The following OGFOD2 variants were observed in gnomAD, a reference collection of about 807,000 sequenced individuals.
OGFOD2 encodes 2-oxoglutarate and iron dependent oxygenase domain containing 2.
OGFOD2 carries 34 observed loss-of-function variants against 31.1 expected under a neutral mutation model. The observed-to-expected ratio is 1.09, with a 90% CI of 0.83 to 1.45. OGFOD2 has a LOEUF of 1.45. Among genes scored for constraint, OGFOD2 ranks in the 40% most tolerant of loss-of-function variants. The pLI is 0.00. For synonymous variants in OGFOD2, 240 were observed against 192.3 expected (o/e 1.25, Z -2.05); for missense variants, 537 against 433.9 (o/e 1.24, Z -2.11).
At chr12:122,975,824 G>A (rs1434014307) in exon 2 of OGFOD2, 2 of 702,976 alleles carry the variant, frequency 2.8e-6, no homozygotes, top group Non-Finnish European at 5.2e-6. Flanking sequence ...CTGCGCAGCC[G>A]AGGCTGTGTT....
chr12:122,978,913 A>C (rs1416004995), exon 6 of OGFOD2: 1 of 1,612,906 alleles, frequency 6.2e-7, no homozygotes, highest in African/African-American at 1.3e-5. Context: ...CAGGACCTGG[A>C]GCTGGGCTGC....
upstream of OGFOD2, chr12:122,974,868 T>C (rs1594092559): frequency 5.7e-6 from 1 of 174,316 alleles, no homozygotes; most frequent in Non-Finnish European, 1.2e-5. Context: ...CTCTTTAAAC[T>C]GTCCTCAGCT....
chr12:122,979,460 C>T (rs1566215581), exon 7 of OGFOD2: 1 of 1,319,664 alleles, frequency 7.6e-7, no homozygotes. Context: ...AACGGTGTGC[C>T]AGCTTCTGGG....
At chr12:122,975,787 G>A (rs2037403471) in intron 1 of OGFOD2, 24 bp from the exon 2 acceptor site, 2 of 702,504 alleles carry the variant, frequency 2.8e-6, no homozygotes, top group South Asian at 3.0e-5. Context: ...ATACAGTCAT[G>A]CTCAGTGTTC....
exon 6 of OGFOD2, chr12:122,978,823 T>G: frequency 6.2e-7 from 1 of 1,612,684 alleles, no homozygotes; most frequent in Non-Finnish European, 8.5e-7. Flanking sequence ...CTGCAGCCGC[T>G]GATGGCCCTG....
chr12:122,977,024 C>T, intron 4 of OGFOD2, 54 bp downstream of exon 4: 2 of 1,544,822 alleles, frequency 1.3e-6, no homozygotes, highest in African/African-American at 1.4e-5. Context: ...GCCTGGGAAA[C>T]CTGGGTGTGG....
chr12:122,979,403 C>A, exon 7 of OGFOD2: 2 of 1,529,132 alleles, frequency 1.3e-6, no homozygotes, highest in South Asian at 2.4e-5. Context: ...TTGCCTTGGT[C>A]TGGGGGCAGA....
chr12:122,979,893 C>G (rs925431733), exon 7 of OGFOD2: 4 of 271,952 alleles, frequency 1.5e-5, no homozygotes, highest in Non-Finnish European at 2.7e-5. Flanking sequence ...ACCAGGCTGC[C>G]CGGGTTCCCA....
intron 4 of OGFOD2, 23 bp from the exon 5 acceptor site, chr12:122,978,419 A>C: frequency 1.2e-6 from 2 of 1,611,510 alleles, no homozygotes; most frequent in East Asian, 2.2e-5. Context: ...ATTCAGGCCA[A>C]CAGACCATCC....
upstream of OGFOD2, chr12:122,974,926 C>G (rs907891802): frequency 1.3e-5 from 3 of 226,882 alleles, no homozygotes; most frequent in African/African-American, 6.8e-5. Flanking sequence ...GGTGGGTCGG[C>G]GTTTAAGTCA....
intron 2 of OGFOD2, 195 bp from the exon 3 acceptor site, chr12:122,976,459 T>G: frequency 6.3e-7 from 1 of 1,579,244 alleles, no homozygotes; most frequent in Non-Finnish European, 8.7e-7. Flanking sequence ...TGAAACAGGA[T>G]GGGTCCCCTT....
At chr12:122,979,574 C>G (rs561248446) in exon 7 of OGFOD2, 14 of 594,358 alleles carry the variant, frequency 2.4e-5, no homozygotes, top group Non-Finnish European at 3.5e-5. Flanking sequence ...GGGGAGGGAG[C>G]AGCTGGGCAA....
At chr12:122,978,918 G>T in exon 6 of OGFOD2, 1 of 1,613,142 alleles carries the variant, frequency 6.2e-7, no homozygotes, top group South Asian at 1.1e-5. Context: ...CCTGGAGCTG[G>T]GCTGCCACTA....
chr12:122,977,647 C>T (rs889608808), intron 4 of OGFOD2: 11 of 158,098 alleles, frequency 7.0e-5, no homozygotes, highest in South Asian at 3.6e-4. Context: ...AGGGCCCGCA[C>T]GTAGTGTTTG....
At chr12:122,976,397 T>C in intron 2 of OGFOD2, 2 of 1,613,850 alleles carry the variant, frequency 1.2e-6, no homozygotes, top group South Asian at 1.1e-5. Flanking sequence ...GCCCAGATGG[T>C]TGAGGTACAT....
At chr12:122,977,386 T>G (rs932903950) in intron 4 of OGFOD2, 1 of 286,616 alleles carries the variant, frequency 3.5e-6, no homozygotes, top group Non-Finnish European at 6.8e-6. Context: ...CCACCTGGAG[T>G]TGTGGCTCTG....
chr12:122,978,920 C>G, exon 6 of OGFOD2: 1 of 1,613,286 alleles, frequency 6.2e-7, no homozygotes, highest in Non-Finnish European at 8.5e-7. Flanking sequence ...TGGAGCTGGG[C>G]TGCCACTATG....
At chr12:122,976,370 C>T (rs754651464) in intron 2 of OGFOD2, 8 of 1,613,714 alleles carry the variant, frequency 5.0e-6, no homozygotes, top group Middle Eastern at 1.6e-4. Context: ...CCATGACTGT[C>T]TCCTGTCCCT....
chr12:122,979,144 A>G, exon 7 of OGFOD2: 1 of 1,608,550 alleles, frequency 6.2e-7, no homozygotes, highest in Non-Finnish European at 8.5e-7. Flanking sequence ...GGTGTCCTCC[A>G]CCGTGGCGGC....
Sources: gnomAD v4.1 joint callset for allele counts on GRCh38, gnomAD v4.1.1 for gene constraint, MANE v1.5 for transcripts, NCBI Gene and HGNC (gene_info 2026-07-23, HGNC 2026-07-21) for gene names.